Variants in STARD13 observed in about 807,000 individuals in gnomAD.
STARD13 encodes StAR related lipid transfer domain containing 13, also known as stAR-related lipid transfer protein 13.
A neutral mutation model predicts 106.4 loss-of-function variants in STARD13; 62 were observed. That is an observed-to-expected ratio of 0.58 (90% CI 0.48 to 0.72). The LOEUF (loss-of-function observed/expected upper bound fraction) is 0.72, where lower values mean the gene tolerates loss of function less well. STARD13 is among the 30% of genes least tolerant of loss of function. STARD13 has a pLI of 0.00. For synonymous variants in STARD13, 565 were observed against 553.0 expected (o/e 1.02, Z -0.31); for missense variants, 1,387 against 1,424.0 (o/e 0.97, Z 0.42).
At chr13:33,145,442 A>G (rs1292135916) in intron 3 of STARD13, among the ~76,000 whole-genome samples, 1 of 152,206 alleles carries the variant, frequency 6.6e-6, no homozygotes, top group Admixed American at 6.5e-5. Context: ...AATTAGATAT[A>G]TTTTTAGTAC....
chr13:33,447,479 G>A, the STARD13 span, among the ~76,000 whole-genome samples: 1 of 152,086 alleles, frequency 6.6e-6, no homozygotes, highest in Non-Finnish European at 1.5e-5. Flanking sequence ...TAGATCCTTT[G>A]CTGAGTGTCC....
the STARD13 span, among the ~76,000 whole-genome samples, chr13:33,664,731 A>T: frequency 6.6e-6 from 1 of 152,192 alleles, no homozygotes; most frequent in Admixed American, 6.5e-5. Flanking sequence ...GGTTCCTGCC[A>T]TTCTCCTGCC....
the STARD13 span, chr13:33,611,015 T>C: frequency 6.6e-5 from 10 of 152,230 alleles, no homozygotes; most frequent in Admixed American, 2.6e-4. Flanking sequence ...ACTGACCTTT[T>C]GTGGGTGAGC....
At chr13:33,280,600 G>C (rs1306292206) in intron 1 of STARD13, 1 of 152,134 alleles carries the variant, frequency 6.6e-6, no homozygotes, top group African/African-American at 2.4e-5. Context: ...ACAAGTTTCT[G>C]TATAATTATA....
At chr13:33,580,841 A>G in the STARD13 span, among the ~76,000 whole-genome samples, 5 of 152,150 alleles carry the variant, frequency 3.3e-5, no homozygotes, top group African/African-American at 9.6e-5. Context: ...AAACATACAT[A>G]TATATTTGTT....
chr13:33,563,832 G>T, the STARD13 span, among the ~76,000 whole-genome samples: 3 of 147,318 alleles, frequency 2.0e-5, 1 homozygote, highest in African/African-American at 7.6e-5. Flanking sequence ...CATCAACAAG[G>T]GATAAGTAAC....
the STARD13 span, among the ~76,000 whole-genome samples, chr13:33,397,281 C>T: frequency 6.6e-6 from 1 of 152,226 alleles, no homozygotes; most frequent in Middle Eastern, 3.4e-3. Flanking sequence ...GCAGATGGAG[C>T]TAGTGCCTCT....
intron 1 of STARD13, among the ~76,000 whole-genome samples, chr13:33,349,826 T>TCCTTG (rs35548720): frequency 2.0e-5 from 3 of 152,186 alleles, no homozygotes; most frequent in Admixed American, 6.5e-5. Flanking sequence ...TCGGACGTGC[T>TCCTTG]CCTTGCCTTG....
chr13:33,371,271 A>G, the STARD13 span, among the ~76,000 whole-genome samples: 1 of 152,158 alleles, frequency 6.6e-6, no homozygotes, highest in Admixed American at 6.5e-5. Context: ...GTTAGACACT[A>G]TGTCCTTTCT....
chr13:33,107,563 C>T (rs1873943881), intron 12 of STARD13, among the ~76,000 whole-genome samples: 1 of 152,120 alleles, frequency 6.6e-6, no homozygotes, highest in South Asian at 2.1e-4. Context: ...TGCTTATTGT[C>T]TTCACATACT....
At chr13:33,595,690 T>C in the STARD13 span, among the ~76,000 whole-genome samples, 44 of 152,292 alleles carry the variant, frequency 2.9e-4, no homozygotes, top group African/African-American at 9.6e-4. Context: ...GGGAACCAAA[T>C]ACCAAGTTAT....
chr13:33,654,026 A>G, the STARD13 span, among the ~76,000 whole-genome samples: 2 of 152,224 alleles, frequency 1.3e-5, no homozygotes, highest in African/African-American at 4.8e-5. Context: ...AAGACAGACA[A>G]TAACAAGCAT....
chr13:33,434,352 CAAAAAAAA>C, the STARD13 span, among the ~76,000 whole-genome samples: 1 of 70,322 alleles, frequency 1.4e-5, no homozygotes, highest in Non-Finnish European at 2.5e-5. Context: ...GACTCTGTCT[CAAAAAAAA>C]AAAAAAAAAA....
chr13:33,163,731 A>AAAACATATATATATAT (rs1883010026), intron 3 of STARD13, among the ~76,000 whole-genome samples: 4 of 78,502 alleles, frequency 5.1e-5, no homozygotes, highest in Non-Finnish European at 1.1e-4. Flanking sequence ...AACATATATA[A>AAAACATATATATATAT]AACATATATA....
the STARD13 span, among the ~76,000 whole-genome samples, chr13:33,499,569 T>TCTG: frequency 3.0e-5 from 2 of 66,528 alleles, 1 homozygote; most frequent in African/African-American, 1.1e-4. Flanking sequence ...TTCTTCTTCT[T>TCTG]CTTCTTCTTC....
At chr13:33,259,843 C>CTGTA (rs1890548590) in intron 1 of STARD13, among the ~76,000 whole-genome samples, 1 of 151,928 alleles carries the variant, frequency 6.6e-6, no homozygotes. Context: ...TCATCTTGAA[C>CTGTA]TGTAGCTCCT....
chr13:33,644,453 G>A, the STARD13 span, among the ~76,000 whole-genome samples: 1 of 152,096 alleles, frequency 6.6e-6, no homozygotes, highest in African/African-American at 2.4e-5. Context: ...AATGAATTGG[G>A]TACTTTGCAC....
At chr13:33,463,211 C>T in the STARD13 span, among the ~76,000 whole-genome samples, 1 of 152,078 alleles carries the variant, frequency 6.6e-6, no homozygotes, top group South Asian at 2.1e-4. Context: ...TATTGAAGTG[C>T]CAGAGCACAG....
At chr13:33,527,656 T>C in the STARD13 span, among the ~76,000 whole-genome samples, 109 of 152,062 alleles carry the variant, frequency 7.2e-4, no homozygotes, top group East Asian at 0.018. Context: ...TCCTGTTCTG[T>C]TCAGAATAAA....
Sources: gnomAD v4.1 joint callset for allele counts (sites outside exome capture counted in the v4.1 genomes callset) on GRCh38, gnomAD v4.1.1 for gene constraint, MANE v1.5 for transcripts, NCBI Gene and HGNC (gene_info 2026-07-23, HGNC 2026-07-21) for gene names.